The following ALDH1L1 variants were observed in gnomAD, a reference collection of about 807,000 sequenced individuals.
ALDH1L1 encodes the protein aldehyde dehydrogenase 1 family member L1.
In ALDH1L1, 68 loss-of-function variants were observed where a neutral mutation model predicts 101.1. The observed-to-expected ratio is 0.67, with a 90% confidence interval of 0.55 to 0.82. The LOEUF (loss-of-function observed/expected upper bound fraction) is 0.82, where lower values mean the gene tolerates loss of function less well. ALDH1L1 is among the 40% of genes least tolerant of loss of function. ALDH1L1 has a pLI of 0.00. For synonymous variants in ALDH1L1, 486 were observed against 470.8 expected (o/e 1.03, Z -0.42); for missense variants, 1,087 against 1,172.7 (o/e 0.93, Z 1.07).
chr3:126,124,154 T>C (rs1311921919), intron 16 of ALDH1L1, among the ~76,000 whole-genome samples: 3 of 150,178 alleles, frequency 2.0e-5, no homozygotes, highest in Non-Finnish European at 4.4e-5. Flanking sequence ...CACACTGGAA[T>C]ACATTCAGCT....
intron 1 of ALDH1L1, among the ~76,000 whole-genome samples, chr3:126,161,534 G>A (rs1394309075): frequency 3.3e-5 from 5 of 152,196 alleles, no homozygotes; most frequent in South Asian, 2.1e-4. Flanking sequence ...GCGTGGGGGC[G>A]CCTGAGGATG....
chr3:126,105,111 C>T (rs908732391), intron 22 of ALDH1L1: 6 of 168,104 alleles, frequency 3.6e-5, no homozygotes, highest in Admixed American at 2.2e-4. Context: ...CGGTGGACCC[C>T]GCCTGCTGCC....
intron 16 of ALDH1L1, 22 bp from the exon 17 acceptor site, chr3:126,118,120 G>T (rs750646812): frequency 6.9e-6 from 11 of 1,588,190 alleles, no homozygotes; most frequent in Non-Finnish European, 8.6e-6. Context: ...AGGGAGGGGG[G>T]AATCAGAGTG....
chr3:126,137,845 C>T lies in ALDH1L1; in HGVS notation c.1192G>A (p.Asp398Asn), dbSNP rs144521878. The part of the protein sequence containing the change: ...IQLLVRKLRG[D>N]DEEGECSIDY... ...ATGCTGCACTCGCCCTCCTCATCGT[C>T]CCCTCGCAGCTTCCTCACTAACAGC... Residue 398 changes from aspartate (D) to asparagine (N), a missense_variant, in exon 10 of 23, where the codon GAC becomes AAC. Asp to Asn is a conservative substitution (Grantham distance 23, BLOSUM62 1). Around this residue, in one of 2 missense-constraint regions of ALDH1L1, gnomAD observed 645 missense variants for 637.0 expected, o/e 1.01. Transcript: ENST00000393434. 3.1e-6 allele frequency: 5 copies of T among 1,614,192 alleles called. No homozygotes were observed. Among genetic ancestry groups the T allele is most frequent in the Middle Eastern group, 1.7e-4 (1 of 6,054 alleles).
intron 1 of ALDH1L1, among the ~76,000 whole-genome samples, chr3:126,196,077 A>G (rs1359954603): frequency 6.6e-6 from 1 of 152,072 alleles, no homozygotes; most frequent in Admixed American, 6.5e-5. Flanking sequence ...AAACCTGCAC[A>G]TTGTGCACAT....
intron 1 of ALDH1L1, among the ~76,000 whole-genome samples, chr3:126,189,844 A>G (rs2081542107): frequency 6.6e-6 from 1 of 152,224 alleles, no homozygotes. Context: ...AGTGAATCTG[A>G]TTCCCCGCAA....
chr3:126,171,790 G>GGTA (rs1559974460), intron 1 of ALDH1L1, among the ~76,000 whole-genome samples: 1 of 152,094 alleles, frequency 6.6e-6, no homozygotes, highest in Non-Finnish European at 1.5e-5. Flanking sequence ...CACCTAAAAG[G>GGTA]GGTAGGACTG....
chr3:126,179,766 A>ATTTT, intron 1 of ALDH1L1: 1 of 152,200 alleles, frequency 6.6e-6, no homozygotes. Flanking sequence ...TCCTGATTAA[A>ATTTT]TTCCGTCTCT....
chr3:126,173,227 A>G (rs1392422417), intron 1 of ALDH1L1, among the ~76,000 whole-genome samples: 1 of 152,234 alleles, frequency 6.6e-6, no homozygotes, highest in Non-Finnish European at 1.5e-5. Context: ...AATTTGTTCA[A>G]AATAATAATT....
Position 126,114,559 on chromosome 3 carries a change from T to G in ALDH1L1, c.2080A>C (p.Met694Leu). The G allele has an allele frequency of 6.7e-7, 1 of 1,495,120 alleles. No homozygotes were observed. Among genetic ancestry groups the G allele is most frequent in the Middle Eastern group, 1.8e-4 (1 of 5,514 alleles). The allele number at this position is 1,495,120 out of a possible 1,614,324, so 92.6% of individuals were successfully genotyped here. A position where few individuals can be genotyped will look rare whatever the true frequency, so the allele number is the denominator to read the frequency against. Residue 694 changes from methionine (M) to leucine (L), a missense_variant and splice_region_variant, in exon 18 of 23, where the codon ATG (methionine) becomes CTG (leucine). This residue lies in a region of ALDH1L1 where 442 missense variants were observed against 535.7 expected (regional missense o/e 0.83). Coordinates refer to ENST00000393434, the MANE Select transcript of ALDH1L1 (RefSeq NM_012190.4). ...ADCDLNKAVQMGMSSVFFNKG... is the reference protein window; with the variant it reads ...ADCDLNKAVQLGMSSVFFNKG... ...CCCCCTCCAGGCCCGGCCCTCACCA[T>G]CTGCACAGCCTTGTTGAGGTCACAG...
At chr3:126,109,841 T>G in intron 20 of ALDH1L1, 103 bp downstream of exon 20, 3 of 1,500,568 alleles carry the variant, frequency 2.0e-6, no homozygotes, top group Non-Finnish European at 2.7e-6. Flanking sequence ...ACTGTGTAGG[T>G]ACCTGGCCTT....
rs1127717 is a variant in ALDH1L1 at position 126,107,216 on chromosome 3, T to C, written c.2378A>G (p.Asp793Gly). 0.2 allele frequency: 325,921 copies of C among 1,613,530 alleles called. 33,783 individuals are homozygous for C. Among genetic ancestry groups the C allele is most frequent in the Middle Eastern group, 0.25 (1,510 of 6,062 alleles). ...GFFFEPTVFTDVEDHMFIAKE... is the reference protein window; with the variant it reads ...GFFFEPTVFTGVEDHMFIAKE... ...GGCTATGAACATGTGGTCTTCCACGTCTGTGAAAACAGTTGGCTCAAAGAA... is the reference window on the plus strand; with the variant it reads ...GGCTATGAACATGTGGTCTTCCACGCCTGTGAAAACAGTTGGCTCAAAGAA... Residue 793 changes from aspartate to glycine, a missense_variant, in exon 21 of 23, where the codon GAC (aspartate) becomes GGC (glycine). Physicochemically the swap from Asp to Gly is moderately conservative, Grantham distance 94 (BLOSUM62 -1). Transcript: ENST00000393434.
chr3:126,180,665 TG>T (rs148891899), upstream of ALDH1L1: 77 of 1,329,312 alleles, frequency 5.8e-5, no homozygotes, highest in East Asian at 1.7e-3. Context: ...GTCAGCCGAG[TG>T]GGGGCGGCGC....
At chr3:126,116,267 C>T (rs2079970446) in intron 17 of ALDH1L1, among the ~76,000 whole-genome samples, 1 of 149,586 alleles carries the variant, frequency 6.7e-6, no homozygotes, top group Non-Finnish European at 1.5e-5. Context: ...TTTATTTGAG[C>T]CAGGCTTTCT....
At position 126,159,318 on chromosome 3, in the gene ALDH1L1, C is replaced by A. The variant is rs867171677; in HGVS notation, c.128-679G>T. On this transcript the variant is annotated intron_variant, in intron 2 of 22. Transcript: ENST00000393434. ...TCACCAGCACACCCTCCTCACAGGTCTGGATTACAGGCCCAAGCTCCCAAG... is the reference window on the plus strand; with the variant it reads ...TCACCAGCACACCCTCCTCACAGGTATGGATTACAGGCCCAAGCTCCCAAG... 30 of 412,324 alleles carry A rather than the reference C, an allele frequency of 7.3e-5. No homozygotes were observed. The Middle Eastern group carries it at 4.0e-3, about 55-fold the overall frequency. 25.5% of individuals were successfully genotyped at this position (412,324 alleles called of 1,614,324 possible).
At position 126,158,394 on chromosome 3, in the gene ALDH1L1, C is replaced by A; in HGVS notation, c.362+11G>T. The A allele has an allele frequency of 6.4e-7, 1 of 1,560,888 alleles. No individual in the cohort carries two copies. Among genetic ancestry groups the A allele is most frequent in the African/African-American group, 1.4e-5 (1 of 73,828 alleles). ...ATGGGGATGGCCCCCTGTGTTTTTGCCCCATCTCACCAGTTGATGGCCGAG... is the reference window on the plus strand; with the variant it reads ...ATGGGGATGGCCCCCTGTGTTTTTGACCCATCTCACCAGTTGATGGCCGAG... On this transcript the variant is annotated intron_variant, in intron 3 of 22. Coordinates refer to ENST00000393434, the MANE Select transcript of ALDH1L1 (RefSeq NM_012190.4).
At position 126,131,392 on chromosome 3, in the gene ALDH1L1, T is replaced by C; in HGVS notation, c.1615A>G (p.Lys539Glu). Residue 539 changes from lysine (K) to glutamate (E), a missense_variant, in exon 13 of 23, where the codon AAG becomes GAG. By Grantham distance (56) the Lys-to-Glu change is moderately conservative (BLOSUM62 1). Around this residue, in one of 2 missense-constraint regions of ALDH1L1, gnomAD observed 442 missense variants for 535.7 expected, o/e 0.83. Transcript: ENST00000393434. The stretch of plus-strand genomic sequence containing the variant: ...GGGAGCCTGGGCCCCACCTGGATCT[T>C]GTCACACCAGCCAGCAAAGTAGCGG... ...TFRYFAGWCD[K>E]IQGSTIPINQ... The C allele has an allele frequency of 6.2e-7, 1 of 1,602,146 alleles. No individual in the cohort carries two copies. The highest frequency in any genetic ancestry group is 8.5e-7 in the Non-Finnish European group (1 of 1,170,428).
intron 1 of ALDH1L1, among the ~76,000 whole-genome samples, chr3:126,166,093 T>C (rs953470041): frequency 6.6e-6 from 1 of 152,212 alleles, no homozygotes; most frequent in Non-Finnish European, 1.5e-5. Context: ...TTTAGCTGTA[T>C]CTCAGAGATT....
chr3:126,189,827 C>T (rs997514752), intron 1 of ALDH1L1, among the ~76,000 whole-genome samples: 1 of 152,160 alleles, frequency 6.6e-6, no homozygotes. Context: ...CTATGTTTTC[C>T]ACTGGGAGTG....
Sources: allele counts gnomAD v4.1 joint callset (sites outside exome capture counted in the v4.1 genomes callset), GRCh38; gene constraint gnomAD v4.1.1; regional missense constraint gnomAD v4.1.1; transcripts MANE v1.5; gene names NCBI Gene and HGNC (gene_info 2026-07-23, HGNC 2026-07-21).